The following SPAG17 variants were observed in gnomAD, a reference collection of about 807,000 sequenced individuals.
SPAG17 encodes the protein sperm-associated antigen 17.
SPAG17 carries 169 observed loss-of-function variants against 273.6 expected under a neutral mutation model. That is an observed-to-expected ratio of 0.62 (90% CI 0.55 to 0.70). SPAG17 has a LOEUF of 0.70. Among genes scored for constraint, SPAG17 ranks in the 30% least tolerant of loss-of-function variants. The pLI is 0.00. For synonymous variants in SPAG17, 825 were observed against 873.2 expected, an observed-to-expected ratio of 0.94 and a Z score of 0.97; for missense variants, 2,557 against 2,627.8, an observed-to-expected ratio of 0.97 and a Z score of 0.59.
chr1:118,184,997 CG>C, intron 1 of SPAG17, 73 bp downstream of exon 1: 4 of 1,269,258 alleles, frequency 3.2e-6, no homozygotes, highest in Non-Finnish European at 4.6e-6. Context: ...AGCCTTAAGG[CG>C]TCGCCTAGGA....
chr1:118,070,542 A>G (rs997826401), intron 17 of SPAG17, among the ~76,000 whole-genome samples: 1 of 152,202 alleles, frequency 6.6e-6, no homozygotes, highest in African/African-American at 2.4e-5. Flanking sequence ...ACAGAGAAGT[A>G]CATTCTAGAA....
intron 24 of SPAG17, 145 bp downstream of exon 24, chr1:118,036,625 C>CACACACA: frequency 1.6e-6 from 1 of 608,306 alleles, no homozygotes; most frequent in East Asian, 2.8e-5. Flanking sequence ...CACACACACA[C>CACACACA]CTCTTCTATT....
At chr1:118,043,961 A>G (rs1650060695) in intron 20 of SPAG17, among the ~76,000 whole-genome samples, 1 of 152,226 alleles carries the variant, frequency 6.6e-6, no homozygotes, top group South Asian at 2.1e-4. Flanking sequence ...AATTGTAATC[A>G]TAGGTTGGCT....
At chr1:118,038,950 C>T (rs1472624219) in intron 23 of SPAG17, among the ~76,000 whole-genome samples, 1 of 152,232 alleles carries the variant, frequency 6.6e-6, no homozygotes, top group East Asian at 1.9e-4. Flanking sequence ...GGTTCATCAA[C>T]TGTAACAAAT....
intron 35 of SPAG17, among the ~76,000 whole-genome samples, chr1:117,994,102 A>T (rs895541391): frequency 6.6e-6 from 1 of 152,190 alleles, no homozygotes; most frequent in African/African-American, 2.4e-5. Context: ...CAGTAATTCC[A>T]TGACAGAGGT....
chr1:118,020,983 A>C (rs1434628682), intron 28 of SPAG17, among the ~76,000 whole-genome samples: 1 of 152,150 alleles, frequency 6.6e-6, no homozygotes, highest in Non-Finnish European at 1.5e-5. Flanking sequence ...GGCAGAGTTG[A>C]GTAGTTGTGA....
chr1:117,956,661 G>A (rs78748789), intron 48 of SPAG17, among the ~76,000 whole-genome samples: 6 of 151,866 alleles, frequency 4.0e-5, no homozygotes, highest in African/African-American at 1.4e-4. Context: ...AGATTAAAAG[G>A]CTACAAAATT....
intron 20 of SPAG17, 42 bp from the exon 21 acceptor site, chr1:118,042,084 A>C: frequency 6.3e-7 from 1 of 1,585,778 alleles, no homozygotes; most frequent in Non-Finnish European, 8.5e-7. Context: ...TTTTAAACGA[A>C]TTAAACATAG....
intron 1 of SPAG17, among the ~76,000 whole-genome samples, chr1:118,180,357 G>GT (rs1429473815): frequency 5.3e-5 from 8 of 152,004 alleles, no homozygotes; most frequent in Non-Finnish European, 8.8e-5. Context: ...GATGAATATC[G>GT]TATGTTCTCA....
At chr1:118,038,452 A>G (rs2101913196) in intron 23 of SPAG17, among the ~76,000 whole-genome samples, 1 of 152,300 alleles carries the variant, frequency 6.6e-6, no homozygotes, top group African/African-American at 2.4e-5. Context: ...ACTTATGTCC[A>G]CACACAAACC....
At chr1:118,180,641 C>T (rs1660897996) in intron 1 of SPAG17, among the ~76,000 whole-genome samples, 1 of 151,866 alleles carries the variant, frequency 6.6e-6, no homozygotes, top group Non-Finnish European at 1.5e-5. Flanking sequence ...TGATGAATAT[C>T]CTACTTATAG....
intron 6 of SPAG17, among the ~76,000 whole-genome samples, chr1:118,098,407 T>G (rs996463014): frequency 4.7e-4 from 72 of 152,228 alleles, no homozygotes; most frequent in Admixed American, 4.4e-3. Flanking sequence ...GCTTAAAAAT[T>G]TGCCCGAAAT....
chr1:118,051,771 CAT>C (rs1045064604), intron 20 of SPAG17, among the ~76,000 whole-genome samples: 2 of 140,808 alleles, frequency 1.4e-5, no homozygotes, highest in Non-Finnish European at 3.0e-5. Context: ...TATAATATAA[CAT>C]AATACTATTA....
intron 1 of SPAG17, among the ~76,000 whole-genome samples, chr1:118,170,776 G>T (rs1245669151): frequency 6.6e-6 from 1 of 152,070 alleles, no homozygotes; most frequent in Middle Eastern, 3.2e-3. Flanking sequence ...CTTTCTCCAG[G>T]AGCTCATTGC....
chr1:117,969,238 G>A (rs1208051823), intron 46 of SPAG17, among the ~76,000 whole-genome samples: 1 of 151,920 alleles, frequency 6.6e-6, no homozygotes, highest in East Asian at 1.9e-4. Flanking sequence ...TTTGTATTTT[G>A]TATTTTCAGA....
intron 5 of SPAG17, among the ~76,000 whole-genome samples, chr1:118,100,103 G>C (rs1473484184): frequency 6.6e-6 from 1 of 152,200 alleles, no homozygotes; most frequent in Admixed American, 6.5e-5. Context: ...TTTTTGTTAA[G>C]AGTTTAGCCT....
At chr1:118,027,061 G>A (rs765319201) in intron 26 of SPAG17, among the ~76,000 whole-genome samples, 9 of 152,148 alleles carry the variant, frequency 5.9e-5, no homozygotes, top group South Asian at 2.1e-4. Flanking sequence ...TTAAGCTGGG[G>A]TTTGATAACA....
chr1:118,063,272 A>G (rs1288671758), intron 18 of SPAG17, among the ~76,000 whole-genome samples: 2 of 152,168 alleles, frequency 1.3e-5, no homozygotes, highest in East Asian at 1.9e-4. Flanking sequence ...AGCCCGCATC[A>G]CCAAGTCAAT....
At chr1:118,168,933 G>A (rs1660295381) in intron 1 of SPAG17, among the ~76,000 whole-genome samples, 1 of 152,164 alleles carries the variant, frequency 6.6e-6, no homozygotes, top group African/African-American at 2.4e-5. Context: ...GGAAGATAAA[G>A]ATAGATAGGC....
Sources: gnomAD v4.1 joint callset for allele counts (sites outside exome capture counted in the v4.1 genomes callset) on GRCh38, gnomAD v4.1.1 for gene constraint, MANE v1.5 for transcripts, NCBI Gene and HGNC (gene_info 2026-07-23, HGNC 2026-07-21) for gene names.